GRM7: variants seen among roughly 807,000 people sequenced by gnomAD.
GRM7 encodes the protein metabotropic glutamate receptor 7.
A neutral mutation model predicts 84.5 loss-of-function variants in GRM7; 35 were observed. The ratio of observed to expected loss-of-function variants is 0.41; its 90% CI spans 0.32 to 0.55. The LOEUF (loss-of-function observed/expected upper bound fraction) is 0.55, where lower values mean the gene tolerates loss of function less well. GRM7 is among the 20% of genes least tolerant of loss of function. The pLI is 0.19. For synonymous variants in GRM7, 487 were observed against 455.1 expected (o/e 1.07, Z -0.89); for missense variants, 1,003 against 1,194.6 (o/e 0.84, Z 2.36).
At chr3:7,533,489 A>C (rs1701121960) in intron 7 of GRM7, among the ~76,000 whole-genome samples, 1 of 152,152 alleles carries the variant, frequency 6.6e-6, no homozygotes, top group Non-Finnish European at 1.5e-5. Flanking sequence ...CTGGGACACA[A>C]CTAAACCAGT....
At chr3:7,623,206 C>A (rs1301319513) in intron 8 of GRM7, among the ~76,000 whole-genome samples, 1 of 151,986 alleles carries the variant, frequency 6.6e-6, no homozygotes, top group Non-Finnish European at 1.5e-5. Context: ...TGAAGGAGAC[C>A]AGTCTGCAGA....
intron 8 of GRM7, among the ~76,000 whole-genome samples, chr3:7,631,044 G>T (rs1427548230): frequency 1.3e-5 from 2 of 152,184 alleles, no homozygotes; most frequent in Non-Finnish European, 2.9e-5. Context: ...CTGGATCTGT[G>T]TTCTGATTCC....
At chr3:7,710,484 C>A (rs1471724329) in intron 9 of GRM7, among the ~76,000 whole-genome samples, 1 of 124,522 alleles carries the variant, frequency 8.0e-6, no homozygotes. Context: ...ATTCCTGGAA[C>A]CTTGCCAGAT....
intron 1 of GRM7, among the ~76,000 whole-genome samples, chr3:7,101,936 C>T (rs2125022755): frequency 6.6e-6 from 1 of 151,246 alleles, no homozygotes; most frequent in Non-Finnish European, 1.5e-5. Context: ...TACTACTTCA[C>T]TTAAAATGTA....
At chr3:6,873,228 G>T (rs1017827396) in intron 1 of GRM7, among the ~76,000 whole-genome samples, 1 of 151,988 alleles carries the variant, frequency 6.6e-6, no homozygotes, top group African/African-American at 2.4e-5. Flanking sequence ...CCCACCACCA[G>T]GCCTGGCTAA....
intron 2 of GRM7, among the ~76,000 whole-genome samples, chr3:7,169,915 G>A (rs1270624965): frequency 6.6e-6 from 1 of 152,192 alleles, no homozygotes; most frequent in Non-Finnish European, 1.5e-5. Context: ...ATTAAAAATA[G>A]AGGTATATAT....
intron 2 of GRM7, among the ~76,000 whole-genome samples, chr3:7,224,539 C>T (rs142219536): frequency 1.3e-5 from 2 of 152,236 alleles, no homozygotes; most frequent in East Asian, 3.9e-4. Context: ...CTTGTAGATG[C>T]CACTGCTAAC....
chr3:7,113,562 C>T (rs1237637726), intron 1 of GRM7, among the ~76,000 whole-genome samples: 4 of 152,146 alleles, frequency 2.6e-5, no homozygotes, highest in Non-Finnish European at 5.9e-5. Flanking sequence ...TGACACATCA[C>T]CATCACCCAG....
At chr3:7,048,736 G>A (rs988514261) in intron 1 of GRM7, among the ~76,000 whole-genome samples, 1 of 151,862 alleles carries the variant, frequency 6.6e-6, no homozygotes. Context: ...TTTGTGGTAC[G>A]AACACTTAAA....
chr3:7,333,451 G>A (rs1260136784), intron 4 of GRM7, among the ~76,000 whole-genome samples: 1 of 152,160 alleles, frequency 6.6e-6, no homozygotes, highest in African/African-American at 2.4e-5. Flanking sequence ...GCACCACATC[G>A]AGGGATCGCC....
intron 4 of GRM7, among the ~76,000 whole-genome samples, chr3:7,365,097 T>A (rs1482952187): frequency 6.6e-6 from 1 of 151,844 alleles, no homozygotes; most frequent in East Asian, 1.9e-4. Context: ...TCAGGATACT[T>A]TCCCACAGTT....
intron 2 of GRM7, among the ~76,000 whole-genome samples, chr3:7,202,562 C>T (rs1696101687): frequency 6.6e-6 from 1 of 152,104 alleles, no homozygotes; most frequent in Non-Finnish European, 1.5e-5. Context: ...AACTCCTGAC[C>T]TCAAGTGATC....
chr3:7,085,380 G>T (rs1049509807), intron 1 of GRM7, among the ~76,000 whole-genome samples: 2 of 152,050 alleles, frequency 1.3e-5, no homozygotes, highest in Non-Finnish European at 2.9e-5. Flanking sequence ...ATAACAATAT[G>T]CCTGAATTTA....
chr3:7,005,569 T>C (rs1037157694), intron 1 of GRM7, among the ~76,000 whole-genome samples: 5 of 152,216 alleles, frequency 3.3e-5, no homozygotes, highest in African/African-American at 1.2e-4. Flanking sequence ...CATAAGAACA[T>C]TTCATGCAGT....
intron 5 of GRM7, chr3:7,451,710 C>A (rs1301417105): frequency 5.9e-5 from 9 of 152,120 alleles, no homozygotes; most frequent in Admixed American, 5.9e-4. Flanking sequence ...AAAAAAATTA[C>A]CTCACAAAGT....
chr3:7,465,536 A>G (rs1698427786), intron 7 of GRM7, among the ~76,000 whole-genome samples: 1 of 152,294 alleles, frequency 6.6e-6, no homozygotes, highest in South Asian at 2.1e-4. Flanking sequence ...TCTCTCCAAC[A>G]TCATCCTGCC....
chr3:7,709,287 T>C (rs1421616757), intron 9 of GRM7, among the ~76,000 whole-genome samples: 1 of 152,190 alleles, frequency 6.6e-6, no homozygotes, highest in Non-Finnish European at 1.5e-5. Flanking sequence ...ATTGTGTGTA[T>C]GCATGCATGT....
At chr3:7,717,469 G>A (rs967144700) in intron 9 of GRM7, among the ~76,000 whole-genome samples, 5 of 152,080 alleles carry the variant, frequency 3.3e-5, no homozygotes. Context: ...CCTGCCACAG[G>A]GCTTTCAAAT....
intron 9 of GRM7, among the ~76,000 whole-genome samples, chr3:7,684,093 G>A (rs1219350223): frequency 4.6e-5 from 7 of 152,120 alleles, no homozygotes; most frequent in Admixed American, 4.6e-4. Context: ...CATGTATATA[G>A]GAAAAGAACG....
Sources: gnomAD v4.1 joint callset for allele counts (sites outside exome capture counted in the v4.1 genomes callset) on GRCh38, gnomAD v4.1.1 for gene constraint, MANE v1.5 for transcripts, NCBI Gene and HGNC (gene_info 2026-07-23, HGNC 2026-07-21) for gene names.